Variants in IGF1R observed in about 807,000 individuals in gnomAD.
IGF1R encodes insulin-like growth factor 1 receptor.
In IGF1R, 44 loss-of-function variants were observed where a neutral mutation model predicts 144.6. The observed-to-expected ratio is 0.30, with a 90% confidence interval of 0.24 to 0.39. The LOEUF (loss-of-function observed/expected upper bound fraction) is 0.39, where lower values mean the gene tolerates loss of function less well. Ranked by LOEUF, IGF1R falls within the 10% of genes least tolerant of loss-of-function variation. The pLI is 1.00. For synonymous variants in IGF1R, 795 were observed against 722.8 expected, an observed-to-expected ratio of 1.10 and a Z score of -1.60; for missense variants, 1,355 against 1,833.7, an observed-to-expected ratio of 0.74 and a Z score of 4.77.
intron 2 of IGF1R, among the ~76,000 whole-genome samples, chr15:98,868,308 C>T (rs1443225854): frequency 2.2e-5 from 2 of 91,856 alleles, no homozygotes; most frequent in East Asian, 7.5e-4. Flanking sequence ...GCCTGGACAA[C>T]AGAGTAAGAC....
At chr15:98,758,645 T>G (rs1329725839) in intron 2 of IGF1R, among the ~76,000 whole-genome samples, 1 of 152,208 alleles carries the variant, frequency 6.6e-6, no homozygotes, top group East Asian at 1.9e-4. Flanking sequence ...CCTTCTTCCC[T>G]GTGGATGGAC....
At chr15:98,900,328 C>T (rs949574170) in intron 5 of IGF1R, among the ~76,000 whole-genome samples, 4 of 152,148 alleles carry the variant, frequency 2.6e-5, no homozygotes, top group African/African-American at 4.8e-5. Flanking sequence ...CTTTTAAATA[C>T]GACTCTTGCC....
chr15:98,665,335 G>T (rs2052710730), intron 1 of IGF1R, among the ~76,000 whole-genome samples: 1 of 152,142 alleles, frequency 6.6e-6, no homozygotes, highest in African/African-American at 2.4e-5. Context: ...TTCTGTCCCT[G>T]TCTCCCTCCT....
In IGF1R at chr15:98,901,479, T is replaced by G. The variant is rs147187795; in HGVS notation, c.1247+1858T>G. 1.7e-3 allele frequency among the ~76,000 whole-genome samples: 253 copies of G among 152,366 alleles called. 3 individuals carry two copies. Among genetic ancestry groups the G allele is most frequent in the African/African-American group, 5.9e-3 (244 of 41,580 alleles). On this transcript the variant is annotated intron_variant, in intron 5 of 20. Transcript: ENST00000650285. ...ACGATGATGAGCTCCCCAAGAGCTCTGTTTGCTTCAGGTGTTGAGACCGCT... is the reference window on the plus strand; with the variant it reads ...ACGATGATGAGCTCCCCAAGAGCTCGGTTTGCTTCAGGTGTTGAGACCGCT...
At chr15:98,713,782 A>AC (rs369836997) in intron 2 of IGF1R, among the ~76,000 whole-genome samples, 1 of 152,098 alleles carries the variant, frequency 6.6e-6, no homozygotes, top group Admixed American at 6.5e-5. Flanking sequence ...CACAAAAAAA[A>AC]CCCCAACAAA....
In IGF1R at chr15:98,821,283, TC is replaced by T. The variant is rs1401856414; in HGVS notation, c.641-70032del. 8.4e-3 allele frequency among the ~76,000 whole-genome samples: 1,029 copies of T among 122,550 alleles called. 7 individuals are homozygous for T. Among genetic ancestry groups the T allele is most frequent in the South Asian group, 0.027 (88 of 3,250 alleles). 80.4% of individuals were successfully genotyped at this position (122,550 alleles called of 152,430 possible). A position where few individuals can be genotyped will look rare whatever the true frequency, so the allele number is the denominator to read the frequency against. On this transcript the variant is annotated intron_variant, in intron 2 of 20. Coordinates refer to ENST00000650285, the MANE Select transcript of IGF1R (RefSeq NM_000875.5). ...AGTTGTCTTTTATTTTAAACACGCC[TC>T]CCCCCCCCCTTTTTAAACTGATTTT...
intron 2 of IGF1R, among the ~76,000 whole-genome samples, chr15:98,740,601 A>G (rs1323820650): frequency 6.6e-6 from 1 of 152,210 alleles, no homozygotes; most frequent in Non-Finnish European, 1.5e-5. Context: ...TTTGAGGGGG[A>G]AAAATACAGC....
intron 5 of IGF1R, among the ~76,000 whole-genome samples, chr15:98,905,907 A>T (rs970761302): frequency 3.0e-4 from 46 of 152,200 alleles, no homozygotes; most frequent in Admixed American, 2.6e-3. Context: ...CCTTGCCCCA[A>T]GCTGTGGCTC....
In IGF1R at chr15:98,960,502, A is replaced by G; in HGVS notation, c.*3060A>G. The G allele has an allele frequency of 4.3e-6, 1 of 233,262 alleles. No individual in the cohort carries two copies. The highest frequency in any genetic ancestry group is 6.0e-5 in the East Asian group (1 of 16,592). The allele number at this position is 233,262 out of a possible 1,614,324, so 14.4% of individuals were successfully genotyped here. On this transcript the variant is annotated 3_prime_UTR_variant, in exon 21 of 21. Transcript: ENST00000650285. ...GTCCTTAAGAGAGCAGTGGTTCCTC[A>G]GGTTCTGAGGAGAGGAAGGTGTCCA...
At chr15:98,924,375 G>T (rs2015618977) in intron 12 of IGF1R, 150 bp from the exon 13 acceptor site, 2 of 832,724 alleles carry the variant, frequency 2.4e-6, no homozygotes, top group African/African-American at 1.7e-5. Context: ...TTTAAGATTT[G>T]ATTTCTTTGT....
chr15:98,738,145 A>G (rs1288288740), intron 2 of IGF1R, among the ~76,000 whole-genome samples: 1 of 152,218 alleles, frequency 6.6e-6, no homozygotes, highest in Non-Finnish European at 1.5e-5. Context: ...AGAGAGTCTT[A>G]TGATAGGCAA....
At chr15:98,861,374 TC>T (rs1310442765) in intron 2 of IGF1R, among the ~76,000 whole-genome samples, 1 of 152,168 alleles carries the variant, frequency 6.6e-6, no homozygotes, top group Non-Finnish European at 1.5e-5. Flanking sequence ...TCCTTCTCTT[TC>T]ACCATGCTGA....
chr15:98,745,837 G>T lies in IGF1R; in HGVS notation c.640+37730G>T, dbSNP rs547527762. 1.4e-4 allele frequency among the ~76,000 whole-genome samples: 21 copies of T among 152,340 alleles called. No individual in the cohort carries two copies. The East Asian group carries it at 3.9e-3, about 28-fold the overall frequency. On this transcript the variant is annotated intron_variant, in intron 2 of 20. Coordinates refer to ENST00000650285, the MANE Select transcript of IGF1R (RefSeq NM_000875.5). Reference sequence around the variant, plus strand: ...AGTGTAAAACGGTACAACCTTTATGGAAGGCAAATTGGCGTTATAAATGCG... The same window carrying T: ...AGTGTAAAACGGTACAACCTTTATGTAAGGCAAATTGGCGTTATAAATGCG...
In IGF1R at chr15:98,688,399, C is replaced by T. The variant is rs1299382007; in HGVS notation, c.95-19163C>T. 2.1e-5 allele frequency among the ~76,000 whole-genome samples: 3 copies of T among 142,200 alleles called. No homozygotes were observed. In the Admixed American group the frequency reaches 2.2e-4, roughly 10 times the overall value. The allele number at this position is 142,200 out of a possible 152,430, so 93.3% of individuals were successfully genotyped here. ...CAACTTTCTTTCTCTCTTCGACTCA[C>T]CACACAACACACACCTGTGTGTGTG... On this transcript the variant is annotated intron_variant, in intron 1 of 20. Transcript: ENST00000650285.
chr15:98,791,368 T>C (rs983524226), intron 2 of IGF1R, among the ~76,000 whole-genome samples: 1 of 152,234 alleles, frequency 6.6e-6, no homozygotes, highest in Non-Finnish European at 1.5e-5. Context: ...TGTAACTTAT[T>C]ACATGTATTA....
At chr15:98,752,022 C>T (rs952442599) in intron 2 of IGF1R, among the ~76,000 whole-genome samples, 3 of 152,146 alleles carry the variant, frequency 2.0e-5, no homozygotes, top group African/African-American at 7.2e-5. Flanking sequence ...GGAATTAGGG[C>T]ATCAGGCTGT....
chr15:98,908,829 A>T lies in IGF1R; in HGVS notation c.1392A>T (p.Glu464Asp). The part of the protein sequence containing the change: ...LCVSEIYRME[E>D]VTGTKGRQSK... ...TTTCCGAAATTTACCGCATGGAGGA[A>T]GTGACGGGGACTAAAGGGCGCCAAA... is the stretch of plus-strand genomic sequence containing the variant. The change falls in exon 6 of 21, where the codon GAA becomes GAT. Residue 464 changes from glutamate to aspartate, a missense_variant. Glu to Asp is a conservative substitution (Grantham distance 45). This residue lies in a region of IGF1R where 880 missense variants were observed against 1,202.7 expected (regional missense o/e 0.73). Transcript: ENST00000650285. The T allele has an allele frequency of 6.2e-7, 1 of 1,614,170 alleles. No homozygotes were observed. The highest frequency in any genetic ancestry group is 8.5e-7 in the Non-Finnish European group (1 of 1,180,022).
chr15:98,715,178 C>T (rs1377015351), intron 2 of IGF1R, among the ~76,000 whole-genome samples: 2 of 152,174 alleles, frequency 1.3e-5, no homozygotes, highest in African/African-American at 4.8e-5. Flanking sequence ...TTCTCTTCTG[C>T]CTGATTGCCG....
chr15:98,866,876 G>A (rs889118295), intron 2 of IGF1R, among the ~76,000 whole-genome samples: 1 of 152,150 alleles, frequency 6.6e-6, no homozygotes, highest in Non-Finnish European at 1.5e-5. Flanking sequence ...CACTGGGTAC[G>A]GGTACGTGGA....
Sources: gnomAD v4.1 joint callset for allele counts (sites outside exome capture counted in the v4.1 genomes callset) on GRCh38, gnomAD v4.1.1 for gene constraint, gnomAD v4.1.1 regional missense constraint, MANE v1.5 for transcripts, NCBI Gene and HGNC (gene_info 2026-07-23, HGNC 2026-07-21) for gene names.